Variants in NPAS3 observed in about 807,000 individuals in gnomAD.
NPAS3 encodes neuronal PAS domain-containing protein 3.
NPAS3 carries 14 observed loss-of-function variants against 73.1 expected under a neutral mutation model. The ratio of observed to expected loss-of-function variants is 0.19; its 90% CI spans 0.13 to 0.30. The LOEUF is 0.30. Ranked by LOEUF, NPAS3 falls within the 10% of genes least tolerant of loss-of-function variation. The pLI is 1.00. For missense variants in NPAS3, 1,096 were observed against 1,250.0 expected, an observed-to-expected ratio of 0.88 and a Z score of 1.86; for synonymous variants, 620 against 541.5, an observed-to-expected ratio of 1.14 and a Z score of -2.01.
intron 9 of NPAS3, among the ~76,000 whole-genome samples, chr14:33,780,261 C>T (rs2062938755): frequency 6.6e-6 from 1 of 152,028 alleles, no homozygotes; most frequent in Non-Finnish European, 1.5e-5. Flanking sequence ...TGTTGTGTAT[C>T]GTAGAAGCAG....
At chr14:33,246,489 G>T (rs1455218118) in intron 3 of NPAS3, among the ~76,000 whole-genome samples, 1 of 142,096 alleles carries the variant, frequency 7.0e-6, no homozygotes, top group Non-Finnish European at 1.5e-5. Context: ...GCAGTGAGCC[G>T]AGATCGCGCC....
At chr14:33,739,701 T>C (rs1566486862) in intron 7 of NPAS3, among the ~76,000 whole-genome samples, 1 of 152,186 alleles carries the variant, frequency 6.6e-6, no homozygotes, top group Non-Finnish European at 1.5e-5. Flanking sequence ...GGTAAGTTCA[T>C]TTTGCATCAT....
In NPAS3 at chr14:33,398,548, G is replaced by A. The variant is rs2047319668; in HGVS notation, c.468+31280G>A. 2.0e-5 allele frequency among the ~76,000 whole-genome samples: 3 copies of A among 152,092 alleles called. No individual in the cohort carries two copies. The South Asian group carries it at 6.2e-4, about 32-fold the overall frequency. On this transcript the variant is annotated intron_variant, in intron 4 of 11. Coordinates refer to ENST00000356141, the Ensembl canonical transcript of NPAS3. ...TGGATTTATTAACATGCTTTTGTATGATGGATAGATAACAAGGATGTTTAT... is the reference window on the plus strand; with the variant it reads ...TGGATTTATTAACATGCTTTTGTATAATGGATAGATAACAAGGATGTTTAT...
intron 2 of NPAS3, among the ~76,000 whole-genome samples, chr14:33,082,721 G>C (rs1595402262): frequency 6.6e-6 from 1 of 152,220 alleles, no homozygotes; most frequent in East Asian, 1.9e-4. Context: ...TCTCAGCTCT[G>C]CCACTTGGGG....
At chr14:33,347,341 A>C (rs1278522843) in intron 3 of NPAS3, among the ~76,000 whole-genome samples, 1 of 152,268 alleles carries the variant, frequency 6.6e-6, no homozygotes, top group Non-Finnish European at 1.5e-5. Context: ...GACCACTCGT[A>C]AATATCTATT....
At chr14:33,526,057 G>A (rs1380686706) in intron 4 of NPAS3, among the ~76,000 whole-genome samples, 1 of 152,102 alleles carries the variant, frequency 6.6e-6, no homozygotes, top group African/African-American at 2.4e-5. Context: ...TAAAAGGAGT[G>A]AAATAATCAT....
chr14:33,463,012 T>A (rs185243295), intron 4 of NPAS3, among the ~76,000 whole-genome samples: 1 of 152,310 alleles, frequency 6.6e-6, no homozygotes, highest in East Asian at 1.9e-4. Flanking sequence ...GAGTTAACGA[T>A]TTCCTTATCT....
intron 4 of NPAS3, among the ~76,000 whole-genome samples, chr14:33,462,607 AT>A (rs145173595): frequency 6.6e-6 from 1 of 152,152 alleles, no homozygotes; most frequent in East Asian, 1.9e-4. Context: ...ATAAGCTACC[AT>A]TTTTTAAACC....
At chr14:33,525,341 C>A (rs2053750292) in intron 4 of NPAS3, among the ~76,000 whole-genome samples, 1 of 152,088 alleles carries the variant, frequency 6.6e-6, no homozygotes, top group Admixed American at 6.6e-5. Flanking sequence ...ATCACTTTGC[C>A]ATATAATTAC....
intron 5 of NPAS3, among the ~76,000 whole-genome samples, chr14:33,579,860 A>G (rs924057758): frequency 1.3e-5 from 2 of 152,178 alleles, no homozygotes; most frequent in African/African-American, 4.8e-5. Flanking sequence ...AAAATGGGAA[A>G]GTTCAAGCAG....
chr14:33,349,224 T>C (rs553436148), intron 3 of NPAS3, among the ~76,000 whole-genome samples: 1 of 152,324 alleles, frequency 6.6e-6, no homozygotes, highest in Admixed American at 6.5e-5. Context: ...TTGTCAAAAA[T>C]ATAACTTAAA....
At chr14:33,133,218 C>T (rs2043705300) in intron 2 of NPAS3, among the ~76,000 whole-genome samples, 1 of 151,896 alleles carries the variant, frequency 6.6e-6, no homozygotes, top group African/African-American at 2.4e-5. Flanking sequence ...TTATAGGCAC[C>T]AAGAATCAGA....
intron 2 of NPAS3, among the ~76,000 whole-genome samples, chr14:33,115,089 T>TGTA (rs1450554000): frequency 4.9e-5 from 7 of 144,256 alleles, no homozygotes; most frequent in Admixed American, 1.4e-4. Context: ...TCACTAACAT[T>TGTA]ATTGAGTGCT....
At chr14:33,274,183 T>C (rs2041225912) in intron 3 of NPAS3, among the ~76,000 whole-genome samples, 1 of 152,188 alleles carries the variant, frequency 6.6e-6, no homozygotes. Context: ...TATTTGAATA[T>C]GGTTTGAACA....
intron 2 of NPAS3, among the ~76,000 whole-genome samples, chr14:33,131,987 A>C (rs1041128): frequency 0.17 from 25,598 of 152,128 alleles, 2,194 homozygotes; most frequent in Middle Eastern, 0.3. Context: ...ATGGGGCTGA[A>C]CAGGTGATTG....
At chr14:33,084,327 C>A (rs1365914735) in intron 2 of NPAS3, among the ~76,000 whole-genome samples, 1 of 152,136 alleles carries the variant, frequency 6.6e-6, no homozygotes, top group Non-Finnish European at 1.5e-5. Context: ...GCATTAAATA[C>A]AGAATGTGGG....
intron 3 of NPAS3, among the ~76,000 whole-genome samples, chr14:33,270,679 C>G (rs187305171): frequency 4.6e-5 from 7 of 152,252 alleles, no homozygotes; most frequent in Admixed American, 3.3e-4. Context: ...TCTGGAAGAT[C>G]GTAATTAAAG....
intron 4 of NPAS3, among the ~76,000 whole-genome samples, chr14:33,455,796 G>C (rs2049998075): frequency 6.6e-6 from 1 of 152,194 alleles, no homozygotes; most frequent in Non-Finnish European, 1.5e-5. Context: ...GCTCCTCTAA[G>C]AGTCTTGCTC....
intron 4 of NPAS3, among the ~76,000 whole-genome samples, chr14:33,555,880 ATTG>A (rs1334314685): frequency 1.4e-4 from 17 of 121,108 alleles, no homozygotes; most frequent in African/African-American, 3.8e-4. Context: ...AAATTAACCA[ATTG>A]TTGTTGGTGT....
Sources: allele counts gnomAD v4.1 joint callset (sites outside exome capture counted in the v4.1 genomes callset), GRCh38; gene constraint gnomAD v4.1.1; transcripts MANE v1.5; gene names NCBI Gene and HGNC (gene_info 2026-07-23, HGNC 2026-07-21).